The following SPIRE2 variants were observed in gnomAD, a reference collection of about 807,000 sequenced individuals.
SPIRE2 encodes the protein protein spire homolog 2.
A neutral mutation model predicts 80.7 loss-of-function variants in SPIRE2; 76 were observed. The observed-to-expected ratio is 0.94, with a 90% CI of 0.78 to 1.14. The LOEUF is 1.14. SPIRE2 is among the 50% of genes most tolerant of loss of function. The pLI, the probability that SPIRE2 is intolerant of heterozygous loss-of-function variation, is 0.00. For missense variants in SPIRE2, 1,196 were observed against 1,015.3 expected, an observed-to-expected ratio of 1.18 and a Z score of -2.42; for synonymous variants, 535 against 432.6, an observed-to-expected ratio of 1.24 and a Z score of -2.94.
intron 3 of SPIRE2, among the ~76,000 whole-genome samples, chr16:89,854,021 G>A (rs2041663065): frequency 1.3e-5 from 2 of 152,268 alleles, no homozygotes; most frequent in African/African-American, 4.8e-5. Context: ...GGGGACTCGG[G>A]GGTGGCAGGG....
At chr16:89,864,602 G>A (rs1231353276) in intron 12 of SPIRE2, among the ~76,000 whole-genome samples, 29 of 152,214 alleles carry the variant, frequency 1.9e-4, no homozygotes, top group Admixed American at 1.9e-3. Flanking sequence ...GCAGGAATGA[G>A]TAACATCGGT....
intron 1 of SPIRE2, among the ~76,000 whole-genome samples, chr16:89,831,468 G>A (rs886152257): frequency 1.4e-5 from 2 of 148,020 alleles, no homozygotes; most frequent in African/African-American, 2.5e-5. Context: ...CGCGTTCTCG[G>A]CTCACTGCAA....
In SPIRE2 at chr16:89,856,157, C is replaced by T; in HGVS notation, c.1023C>T (p.Ser341=). The T allele has an allele frequency of 1.2e-6, 2 of 1,611,392 alleles. No homozygotes were observed. The highest frequency in any genetic ancestry group is 1.7e-6 in the Non-Finnish European group (2 of 1,179,498). ...GCCCGTTGCCACCAAAGCAAAGGTC[C>T]CTGCATGAGAAGATCCTGGAGGAGA... The part of the protein sequence containing the change: ...RLRPLPPKQR[S]LHEKILEEIK... The change falls in exon 7 of 15, where the codon TCC becomes TCT. Residue 341 remains serine (S), a synonymous_variant. Transcript: ENST00000378247.
At chr16:89,834,638 A>G (rs1324409732) in intron 1 of SPIRE2, among the ~76,000 whole-genome samples, 3 of 121,534 alleles carry the variant, frequency 2.5e-5, no homozygotes, top group Non-Finnish European at 5.3e-5. Flanking sequence ...CCGTTGTAGA[A>G]GCCTGGATAA....
At chr16:89,858,002 C>G (rs564332384) in intron 7 of SPIRE2, among the ~76,000 whole-genome samples, 92 of 151,448 alleles carry the variant, frequency 6.1e-4, no homozygotes, top group Non-Finnish European at 1.1e-3. Context: ...CCTGCCTTAG[C>G]TTCCCGAGTA....
intron 7 of SPIRE2, among the ~76,000 whole-genome samples, chr16:89,857,575 CTT>C (rs560910331): frequency 3.5e-5 from 5 of 144,538 alleles, no homozygotes; most frequent in Admixed American, 6.9e-5. Context: ...TTTTCTTTTC[CTT>C]TTTTTTTTTT....
intron 2 of SPIRE2, among the ~76,000 whole-genome samples, chr16:89,848,177 G>A (rs945852740): frequency 5.9e-5 from 9 of 152,222 alleles, no homozygotes; most frequent in Non-Finnish European, 1.3e-4. Context: ...CTGTCACTGT[G>A]CCCAGGAGGG....
At position 89,866,358 on chromosome 16, in the gene SPIRE2, C is replaced by T. The variant is rs558012491; in HGVS notation, c.1779-1831C>T. On this transcript the variant is annotated intron_variant, in intron 12 of 14. Coordinates refer to ENST00000378247, the MANE Select transcript of SPIRE2 (RefSeq NM_032451.2). ...TGTTGCCCAGTCGGAAGTGCAATGC[C>T]GCGATCTCAGCTCACTGCAACCTCT... Among the ~76,000 whole-genome samples the T allele has an allele frequency of 2.5e-4, 38 of 152,050 alleles. No homozygotes were observed. In the East Asian group the frequency reaches 2.9e-3, roughly 12 times the overall value.
In SPIRE2 at chr16:89,840,528, A is replaced by G. The variant is rs113892241; in HGVS notation, c.245-4794A>G. 1.8e-3 allele frequency among the ~76,000 whole-genome samples: 272 copies of G among 150,254 alleles called. 1 individual carries two copies. The highest frequency in any genetic ancestry group is 6.9e-3 in the Middle Eastern group (2 of 288). On this transcript the variant is annotated intron_variant, in intron 1 of 14. Transcript: ENST00000378247. Reference sequence around the variant, plus strand: ...CCTCCCAAAGTGCTGGATTACAGGCATGAGCCACCATGTCTGGCCCAAATC... The same window carrying G: ...CCTCCCAAAGTGCTGGATTACAGGCGTGAGCCACCATGTCTGGCCCAAATC...
At chr16:89,834,423 C>T (rs1424009423) in intron 1 of SPIRE2, among the ~76,000 whole-genome samples, 3 of 136,118 alleles carry the variant, frequency 2.2e-5, no homozygotes, top group African/African-American at 5.2e-5. Flanking sequence ...CCCGCACTCG[C>T]GGTTGGCCAT....
Position 89,854,343 on chromosome 16 carries a change from G to C in SPIRE2, c.703G>C (p.Asp235His), listed in dbSNP as rs2041667130. ...TCTGGAGACGCCTCGGGCAGAGCTGGACAGCCTGGGTCACACAGACTGGGT... is the reference window on the plus strand; with the variant it reads ...TCTGGAGACGCCTCGGGCAGAGCTGCACAGCCTGGGTCACACAGACTGGGT... ...PHLETPRAELDSLGHTDWARL... is the reference protein window; with the variant it reads ...PHLETPRAELHSLGHTDWARL... Residue 235 changes from aspartate (D) to histidine (H), a missense_variant, in exon 4 of 15, where the codon GAC becomes CAC. Transcript: ENST00000378247. 1.9e-6 allele frequency: 3 copies of C among 1,612,580 alleles called. No homozygotes were observed. Among genetic ancestry groups the C allele is most frequent in the African/African-American group, 1.3e-5 (1 of 75,068 alleles).
At chr16:89,865,349 TATG>T (rs2041780178) in intron 12 of SPIRE2, among the ~76,000 whole-genome samples, 1 of 152,206 alleles carries the variant, frequency 6.6e-6, no homozygotes, top group Admixed American at 6.5e-5. Flanking sequence ...GGTGAATCAC[TATG>T]ATAAGGTATA....
At chr16:89,834,685 C>G (rs111587034) in intron 1 of SPIRE2, among the ~76,000 whole-genome samples, 2 of 125,398 alleles carry the variant, frequency 1.6e-5, no homozygotes, top group Admixed American at 1.7e-4. Flanking sequence ...TGCCCGCACT[C>G]GCGGTTGGCC....
intron 1 of SPIRE2, among the ~76,000 whole-genome samples, chr16:89,830,854 G>A (rs1199778313): frequency 6.7e-6 from 1 of 149,968 alleles, no homozygotes; most frequent in African/African-American, 2.4e-5. Context: ...GGAAAAAAAT[G>A]ACTAGAAGAG....
At chr16:89,832,680 C>T (rs1183930107) in intron 1 of SPIRE2, among the ~76,000 whole-genome samples, 1 of 152,158 alleles carries the variant, frequency 6.6e-6, no homozygotes, top group Non-Finnish European at 1.5e-5. Context: ...AGAACTCAGT[C>T]AAGACACGGT....
chr16:89,840,839 G>T (rs1014129082), intron 1 of SPIRE2, among the ~76,000 whole-genome samples: 2 of 150,970 alleles, frequency 1.3e-5, no homozygotes, highest in African/African-American at 4.9e-5. Context: ...GGGTTTCACC[G>T]TGTTAGCCAG....
At position 89,870,325 on chromosome 16, in the gene SPIRE2, C is replaced by T; in HGVS notation, c.*53C>T. On this transcript the variant is annotated 3_prime_UTR_variant, in exon 15 of 15. Coordinates refer to ENST00000378247, the MANE Select transcript of SPIRE2 (RefSeq NM_032451.2). ...GGCACCAGGCAGGCCCTGTATCAGGCTAGGACGCTCTGAGCTGTGCATGTA... is the reference window on the plus strand; with the variant it reads ...GGCACCAGGCAGGCCCTGTATCAGGTTAGGACGCTCTGAGCTGTGCATGTA... 8.6e-7 allele frequency: 1 copy of T among 1,165,140 alleles called. No homozygotes were observed. Among genetic ancestry groups the T allele is most frequent in the East Asian group, 2.5e-5 (1 of 39,834 alleles). 72.2% of individuals were successfully genotyped at this position (1,165,140 alleles called of 1,614,324 possible).
At position 89,870,309 on chromosome 16, in the gene SPIRE2, C is replaced by G. The variant is rs1187062778; in HGVS notation, c.*37C>G. On this transcript the variant is annotated 3_prime_UTR_variant, in exon 15 of 15. Coordinates refer to ENST00000378247, the MANE Select transcript of SPIRE2 (RefSeq NM_032451.2). ...GGCCAGGCCTCCAGGAGGCACCAGGCAGGCCCTGTATCAGGCTAGGACGCT... is the reference window on the plus strand; with the variant it reads ...GGCCAGGCCTCCAGGAGGCACCAGGGAGGCCCTGTATCAGGCTAGGACGCT... The G allele has an allele frequency of 1.4e-6, 2 of 1,426,526 alleles. No homozygotes were observed. The highest frequency in any genetic ancestry group is 1.4e-5 in the African/African-American group (1 of 71,092). The allele number at this position is 1,426,526 out of a possible 1,614,324, so 88.4% of individuals were successfully genotyped here.
rs952195752 is a variant in SPIRE2, at chr16:89,850,463, G to C, written c.448G>C (p.Gly150Arg). 1.3e-6 allele frequency: 2 copies of C among 1,558,728 alleles called. No homozygotes were observed. The highest frequency in any genetic ancestry group is 1.3e-5 in the African/African-American group (1 of 74,120). Residue 150 changes from glycine (G) to arginine (R), a missense_variant, in exon 3 of 15, where the codon GGG (glycine) becomes CGG (arginine). Transcript: ENST00000378247. ...SGCGAADEGY[G>R]GPEEEEEAEG... ...CTGCGGTGCCGCCGATGAGGGCTAC[G>C]GGGGTCCCGAGGAGGAGGAGGAGGC...
Sources: gnomAD v4.1 joint callset for allele counts (sites outside exome capture counted in the v4.1 genomes callset) on GRCh38, gnomAD v4.1.1 for gene constraint, MANE v1.5 for transcripts, NCBI Gene and HGNC (gene_info 2026-07-23, HGNC 2026-07-21) for gene names.